STAG1: variants seen among roughly 807,000 people sequenced by gnomAD.
The protein encoded by STAG1 is STAG1 cohesin complex component.
Under a neutral mutation model 170.9 loss-of-function variants are expected in STAG1, and 26 were observed. That is an observed-to-expected ratio of 0.15 (90% CI 0.11 to 0.21). The LOEUF (loss-of-function observed/expected upper bound fraction) is 0.21. Among genes scored for constraint, STAG1 ranks in the 10% least tolerant of loss-of-function variants. The pLI is 1.00. For synonymous variants in STAG1, 514 were observed against 497.7 expected, an observed-to-expected ratio of 1.03 and a Z score of -0.44; for missense variants, 964 against 1,509.5, an observed-to-expected ratio of 0.64 and a Z score of 5.99.
At chr3:136,530,271 T>C (rs1935306640) in intron 6 of STAG1, among the ~76,000 whole-genome samples, 1 of 152,316 alleles carries the variant, frequency 6.6e-6, no homozygotes, top group Middle Eastern at 3.4e-3. Context: ...TCCCAGACTA[T>C]AACAGAGACT....
intron 1 of STAG1, among the ~76,000 whole-genome samples, chr3:136,676,293 T>TA (rs1390459150): frequency 1.3e-5 from 2 of 152,258 alleles, no homozygotes; most frequent in South Asian, 4.1e-4. Flanking sequence ...TAGGCTACAC[T>TA]AAATTTATAA....
chr3:136,637,419 C>A (rs930844753), intron 1 of STAG1, among the ~76,000 whole-genome samples: 3 of 152,122 alleles, frequency 2.0e-5, no homozygotes, highest in African/African-American at 7.2e-5. Context: ...ATATTTTAAG[C>A]CAAAACTGAA....
chr3:136,748,654 G>A (rs988922799), intron 1 of STAG1, among the ~76,000 whole-genome samples: 7 of 152,106 alleles, frequency 4.6e-5, no homozygotes, highest in South Asian at 2.1e-4. Flanking sequence ...CACCCACCTC[G>A]GCCTCCCAAA....
intron 22 of STAG1, among the ~76,000 whole-genome samples, chr3:136,379,968 G>GC (rs1937858742): frequency 6.6e-6 from 1 of 151,892 alleles, no homozygotes; most frequent in Non-Finnish European, 1.5e-5. Context: ...ACACAATGGA[G>GC]AATGATGTGG....
intron 1 of STAG1, among the ~76,000 whole-genome samples, chr3:136,723,380 C>T (rs1291184678): frequency 6.6e-6 from 1 of 150,514 alleles, no homozygotes; most frequent in Non-Finnish European, 1.5e-5. Flanking sequence ...TCTACCCGGC[C>T]GCGACCCCGT....
At chr3:136,624,970 T>C (rs541794411) in intron 2 of STAG1, among the ~76,000 whole-genome samples, 1 of 152,338 alleles carries the variant, frequency 6.6e-6, no homozygotes, top group South Asian at 2.1e-4. Flanking sequence ...TCATATGACA[T>C]TTAATTTAAG....
At chr3:136,622,095 C>T (rs200633857) in intron 3 of STAG1, among the ~76,000 whole-genome samples, 5 of 128,530 alleles carry the variant, frequency 3.9e-5, no homozygotes, top group South Asian at 2.5e-4. Context: ...GTCAAGAGTT[C>T]GAGACCAGCC....
intron 15 of STAG1, among the ~76,000 whole-genome samples, chr3:136,440,920 C>T (rs1436448658): frequency 2.6e-5 from 4 of 151,606 alleles, no homozygotes; most frequent in Non-Finnish European, 4.4e-5. Context: ...GCTGGGAAGG[C>T]AGAGGTTCAT....
chr3:136,559,184 G>C (rs1040112190), intron 5 of STAG1, among the ~76,000 whole-genome samples: 1 of 151,030 alleles, frequency 6.6e-6, no homozygotes, highest in Non-Finnish European at 1.5e-5. Context: ...CACTGTACAG[G>C]TGAGGAGATA....
intron 1 of STAG1, among the ~76,000 whole-genome samples, chr3:136,655,922 G>A (rs1479656824): frequency 6.6e-6 from 1 of 151,910 alleles, no homozygotes; most frequent in Non-Finnish European, 1.5e-5. Flanking sequence ...TTTACTTCTG[G>A]GTATGTAGTC....
intron 29 of STAG1, among the ~76,000 whole-genome samples, chr3:136,347,486 T>G (rs1936277446): frequency 6.6e-6 from 1 of 152,018 alleles, no homozygotes; most frequent in Non-Finnish European, 1.5e-5. Flanking sequence ...AGATTTTATA[T>G]TTTCTTTCTC....
chr3:136,563,064 C>T (rs1452651507), intron 5 of STAG1, among the ~76,000 whole-genome samples: 1 of 152,224 alleles, frequency 6.6e-6, no homozygotes, highest in Non-Finnish European at 1.5e-5. Flanking sequence ...TCAGAAAGCA[C>T]ATGATAGCAA....
At chr3:136,624,057 C>A (rs1161910733) in intron 2 of STAG1, among the ~76,000 whole-genome samples, 1 of 152,000 alleles carries the variant, frequency 6.6e-6, no homozygotes, top group Non-Finnish European at 1.5e-5. Flanking sequence ...ATAACCGATT[C>A]TCACAAAATA....
At chr3:136,585,007 T>C (rs1455712947) in intron 4 of STAG1, among the ~76,000 whole-genome samples, 2 of 152,230 alleles carry the variant, frequency 1.3e-5, no homozygotes, top group African/African-American at 4.8e-5. Flanking sequence ...AGAGTAAATT[T>C]AGATTACTAA....
chr3:136,619,056 G>A (rs1939724028), intron 3 of STAG1, among the ~76,000 whole-genome samples: 1 of 152,062 alleles, frequency 6.6e-6, no homozygotes, highest in African/African-American at 2.4e-5. Flanking sequence ...GGAGAAGACA[G>A]AAGCAAAGAG....
chr3:136,687,137 AT>A (rs1206466570), intron 1 of STAG1, among the ~76,000 whole-genome samples: 2 of 152,158 alleles, frequency 1.3e-5, no homozygotes, highest in Admixed American at 6.5e-5. Flanking sequence ...CCACACTGGT[AT>A]TTTTTCTTTA....
intron 23 of STAG1, among the ~76,000 whole-genome samples, chr3:136,373,892 A>G (rs1250097711): frequency 6.6e-6 from 1 of 152,054 alleles, no homozygotes; most frequent in African/African-American, 2.4e-5. Flanking sequence ...CAATTCCTGG[A>G]TATCCTTTTT....
chr3:136,737,841 G>A lies in STAG1; in HGVS notation c.-84+14354C>T, dbSNP rs571079243. Among the ~76,000 whole-genome samples the A allele has an allele frequency of 2.7e-3, 409 of 152,224 alleles. 2 individuals carry two copies. The highest frequency in any genetic ancestry group is 9.5e-3 in the African/African-American group (396 of 41,550). ...TCCCAACACTTTGGGAGGCCGAGGC[G>A]GGCGGATCTCAAGGTCAGGGGTTCA... On this transcript the variant is annotated intron_variant, in intron 1 of 33. Transcript: ENST00000383202.
intron 5 of STAG1, among the ~76,000 whole-genome samples, chr3:136,554,509 C>T (rs1559876146): frequency 1.3e-5 from 2 of 152,306 alleles, no homozygotes; most frequent in East Asian, 1.9e-4. Flanking sequence ...TCTACAATTA[C>T]AGACCATTTC....
Sources: allele counts gnomAD v4.1 joint callset (sites outside exome capture counted in the v4.1 genomes callset), GRCh38; gene constraint gnomAD v4.1.1; transcripts MANE v1.5; gene names NCBI Gene and HGNC (gene_info 2026-07-23, HGNC 2026-07-21).